The following AGBL1 variants were observed in gnomAD, a reference collection of about 807,000 sequenced individuals.
The protein encoded by AGBL1 is cytosolic carboxypeptidase 4.
Under a neutral mutation model 118.9 loss-of-function variants are expected in AGBL1, and 130 were observed. The ratio of observed to expected loss-of-function variants is 1.09; its 90% CI spans 0.95 to 1.26. The LOEUF is 1.26. Among genes scored for constraint, AGBL1 ranks in the 50% most tolerant of loss-of-function variants. The pLI is 0.00. For missense variants in AGBL1, 1,584 were observed against 1,298.1 expected, an observed-to-expected ratio of 1.22 and a Z score of -3.38; for synonymous variants, 555 against 478.9, an observed-to-expected ratio of 1.16 and a Z score of -2.08.
chr15:86,528,593 G>T (rs1465010891), intron 19 of AGBL1, among the ~76,000 whole-genome samples: 1 of 132,608 alleles, frequency 7.5e-6, no homozygotes, highest in Non-Finnish European at 1.6e-5. Context: ...GCTCGAACTG[G>T]GTGGAGCCCA....
chr15:86,282,806 T>C (rs1371062284), intron 16 of AGBL1, among the ~76,000 whole-genome samples: 1 of 152,224 alleles, frequency 6.6e-6, no homozygotes, highest in Admixed American at 6.5e-5. Flanking sequence ...TTGGGGGTTA[T>C]GCTGAGGGGT....
intron 22 of AGBL1, among the ~76,000 whole-genome samples, chr15:86,886,066 C>T (rs546960698): frequency 9.0e-4 from 137 of 152,242 alleles, no homozygotes; most frequent in African/African-American, 3.1e-3. Flanking sequence ...CATATAGCCT[C>T]TTAAACATCC....
intron 17 of AGBL1, among the ~76,000 whole-genome samples, chr15:86,380,955 T>C (rs2081106386): frequency 6.7e-6 from 1 of 149,270 alleles, no homozygotes; most frequent in African/African-American, 2.5e-5. Flanking sequence ...TGTGTGTGTG[T>C]GTGTACCAGT....
chr15:86,466,763 G>T (rs2082413324), intron 18 of AGBL1, among the ~76,000 whole-genome samples: 1 of 152,188 alleles, frequency 6.6e-6, no homozygotes, highest in Non-Finnish European at 1.5e-5. Flanking sequence ...TCTTCTGCAG[G>T]TCTGCTGGAG....
chr15:86,750,756 T>A (rs1234084517), intron 22 of AGBL1, among the ~76,000 whole-genome samples: 1 of 152,034 alleles, frequency 6.6e-6, no homozygotes, highest in African/African-American at 2.4e-5. Flanking sequence ...GCCTAGTACC[T>A]CTTAGTTATT....
At chr15:86,869,205 A>C (rs1431311415) in intron 22 of AGBL1, among the ~76,000 whole-genome samples, 2 of 152,180 alleles carry the variant, frequency 1.3e-5, no homozygotes, top group African/African-American at 4.8e-5. Context: ...GAGGTGTGTC[A>C]GGGGAAAAGC....
In AGBL1 at chr15:86,946,964, G is replaced by C. The variant is rs952215491; in HGVS notation, c.3222-41023G>C. On this transcript the variant is annotated intron_variant, in intron 23 of 24. Transcript: ENST00000441037. ...TCCCCTGCCCATTACTCAGAAATCT[G>C]TGTGGCATCTTTTCATATGGGCTTT... is the stretch of plus-strand genomic sequence containing the variant. Among the ~76,000 whole-genome samples, 7 of 151,938 alleles carry C rather than the reference G, an allele frequency of 4.6e-5. No individual in the cohort carries two copies. The East Asian group carries it at 1.4e-3, about 29-fold the overall frequency.
At chr15:86,187,646 T>A (rs1048510896) in intron 5 of AGBL1, among the ~76,000 whole-genome samples, 28 of 152,096 alleles carry the variant, frequency 1.8e-4, no homozygotes, top group Admixed American at 9.8e-4. Flanking sequence ...GAACAATGGA[T>A]TGAATTTAAC....
At chr15:86,959,259 A>G (rs2080966139) in intron 23 of AGBL1, among the ~76,000 whole-genome samples, 1 of 152,144 alleles carries the variant, frequency 6.6e-6, no homozygotes, top group Non-Finnish European at 1.5e-5. Flanking sequence ...TTCTTGTCCA[A>G]TTGATTAAAG....
intron 23 of AGBL1, among the ~76,000 whole-genome samples, chr15:86,972,861 T>A (rs888609051): frequency 6.6e-6 from 1 of 152,056 alleles, no homozygotes; most frequent in Non-Finnish European, 1.5e-5. Context: ...TTTTCTGAGT[T>A]TTTTTTCTGA....
chr15:86,552,336 GAGAT>G (rs776513532), intron 20 of AGBL1, among the ~76,000 whole-genome samples: 3,498 of 152,128 alleles, frequency 0.023, 66 homozygotes, highest in Middle Eastern at 0.065. Context: ...AAAAAAGAGA[GAGAT>G]AGAACCTATG....
chr15:86,792,329 T>G (rs1346385608), intron 22 of AGBL1, among the ~76,000 whole-genome samples: 1 of 152,170 alleles, frequency 6.6e-6, no homozygotes, highest in African/African-American at 2.4e-5. Context: ...CTAGAATAAT[T>G]TGTTTATTAG....
At chr15:86,190,286 A>T (rs2077698536) in intron 5 of AGBL1, among the ~76,000 whole-genome samples, 1 of 152,144 alleles carries the variant, frequency 6.6e-6, no homozygotes, top group South Asian at 2.1e-4. Flanking sequence ...TGATACAATT[A>T]TCATTACATT....
chr15:86,880,678 T>A (rs1567221466), intron 22 of AGBL1, among the ~76,000 whole-genome samples: 2 of 152,036 alleles, frequency 1.3e-5, no homozygotes, highest in African/African-American at 4.8e-5. Flanking sequence ...TGGGTGTGGA[T>A]GTGAGTGTGT....
intron 21 of AGBL1, among the ~76,000 whole-genome samples, chr15:86,648,202 G>T (rs1047708290): frequency 1.3e-5 from 2 of 152,250 alleles, no homozygotes; most frequent in Admixed American, 6.5e-5. Context: ...GGGATGTTGT[G>T]GGGGAGGACA....
At chr15:86,623,121 C>T (rs2346712) in intron 21 of AGBL1, among the ~76,000 whole-genome samples, 12,191 of 152,264 alleles carry the variant, frequency 0.08, 625 homozygotes, top group Non-Finnish European at 0.089. Flanking sequence ...CTCTCTCACC[C>T]TCCACTTACC....
chr15:86,876,378 G>A (rs1345644557), intron 22 of AGBL1, among the ~76,000 whole-genome samples: 1 of 152,132 alleles, frequency 6.6e-6, no homozygotes, highest in Non-Finnish European at 1.5e-5. Flanking sequence ...CCGATGGAGG[G>A]CATTCAGAAT....
rs553942729 is a variant in AGBL1 at position 86,146,094 on chromosome 15, T to G, written c.262+2249T>G. On this transcript the variant is annotated intron_variant, in intron 3 of 22. Coordinates refer to ENST00000614907, the MANE Select transcript of AGBL1 (RefSeq NM_001386094.1). Reference sequence around the variant, plus strand: ...AGGCCTGGCCCTGACACTTATTAGCTGTGTGACCTTGGGCAAAGTACTTAA... The same window carrying G: ...AGGCCTGGCCCTGACACTTATTAGCGGTGTGACCTTGGGCAAAGTACTTAA... 1.5e-4 allele frequency among the ~76,000 whole-genome samples: 23 copies of G among 152,324 alleles called. No individual in the cohort carries two copies. The South Asian group carries it at 4.6e-3, about 30-fold the overall frequency.
chr15:86,566,387 T>C (rs1335357447), intron 21 of AGBL1, among the ~76,000 whole-genome samples: 1 of 152,164 alleles, frequency 6.6e-6, no homozygotes, highest in African/African-American at 2.4e-5. Flanking sequence ...CCCTCTCCTT[T>C]TCATTTTATT....
Sources: allele counts gnomAD v4.1 joint callset (sites outside exome capture counted in the v4.1 genomes callset), GRCh38; gene constraint gnomAD v4.1.1; transcripts MANE v1.5; gene names NCBI Gene and HGNC (gene_info 2026-07-23, HGNC 2026-07-21).